DSCAM: variants seen among roughly 807,000 people sequenced by gnomAD.
DSCAM encodes cell adhesion molecule DSCAM.
DSCAM carries 47 observed loss-of-function variants against 217.7 expected under a neutral mutation model. The ratio of observed to expected loss-of-function variants is 0.22; its 90% CI spans 0.17 to 0.28. The LOEUF is 0.28. Among genes scored for constraint, DSCAM ranks in the 10% least tolerant of loss-of-function variants. The pLI is 1.00. For missense variants in DSCAM, 2,080 were observed against 2,618.3 expected, an observed-to-expected ratio of 0.79 and a Z score of 4.49; for synonymous variants, 1,056 against 1,015.3, an observed-to-expected ratio of 1.04 and a Z score of -0.76.
At position 40,816,763 on chromosome 21, in the gene DSCAM, G is replaced by T. The variant is rs546861313; in HGVS notation, c.43+29856C>A. 1.1e-3 allele frequency among the ~76,000 whole-genome samples: 168 copies of T among 152,148 alleles called. 1 individual carries two copies. Among genetic ancestry groups the T allele is most frequent in the Non-Finnish European group, 2.1e-3 (145 of 67,992 alleles). On this transcript the variant is annotated intron_variant, in intron 1 of 32. Transcript: ENST00000400454. Reference sequence around the variant, plus strand: ...AACGCTGCTGGGTTGTCTTCAAAATGAATCTATTTTCTGTTGAGTCTTGAG... The same window carrying T: ...AACGCTGCTGGGTTGTCTTCAAAATTAATCTATTTTCTGTTGAGTCTTGAG...
chr21:40,611,097 C>A (rs1274771630), intron 3 of DSCAM, among the ~76,000 whole-genome samples: 1 of 140,160 alleles, frequency 7.1e-6, no homozygotes, highest in African/African-American at 2.7e-5. Flanking sequence ...CTCACCGTGT[C>A]GTCCAGGCTG....
chr21:40,347,505 T>C (rs1277744014), intron 6 of DSCAM, among the ~76,000 whole-genome samples, 165 bp downstream of exon 6: 1 of 152,182 alleles, frequency 6.6e-6, no homozygotes, highest in African/African-American at 2.4e-5. Context: ...GAACTTTCTC[T>C]CCCATTTGCC....
chr21:40,758,157 G>T (rs1170181297), intron 1 of DSCAM, among the ~76,000 whole-genome samples: 1 of 152,092 alleles, frequency 6.6e-6, no homozygotes, highest in African/African-American at 2.4e-5. Context: ...GAGAGGCGAA[G>T]CAGACTCCCA....
chr21:40,309,679 A>C (rs530043366), intron 9 of DSCAM, among the ~76,000 whole-genome samples: 7 of 152,092 alleles, frequency 4.6e-5, no homozygotes, highest in Admixed American at 6.6e-5. Context: ...GATTCCACTA[A>C]AGGTTCTTCT....
chr21:40,277,703 G>C (rs1237196849), intron 10 of DSCAM, among the ~76,000 whole-genome samples: 1 of 144,628 alleles, frequency 6.9e-6, no homozygotes, highest in Non-Finnish European at 1.5e-5. Flanking sequence ...GCACGATTTC[G>C]GCTCACTGCA....
At chr21:40,021,269 T>G (rs979801437) in intron 32 of DSCAM, among the ~76,000 whole-genome samples, 1 of 149,292 alleles carries the variant, frequency 6.7e-6, no homozygotes, top group African/African-American at 2.5e-5. Flanking sequence ...AGATAAAAAT[T>G]AGAGACAGAG....
chr21:40,809,872 G>A (rs1170330488), intron 1 of DSCAM, among the ~76,000 whole-genome samples: 2 of 152,192 alleles, frequency 1.3e-5, no homozygotes, highest in African/African-American at 4.8e-5. Context: ...ACTAGGAAAA[G>A]GGCGATGACG....
At chr21:40,422,360 T>G (rs2123821997) in intron 3 of DSCAM, among the ~76,000 whole-genome samples, 1 of 152,336 alleles carries the variant, frequency 6.6e-6, no homozygotes, top group Middle Eastern at 3.4e-3. Context: ...CCGAGCACAG[T>G]GGCTCACTCC....
At position 40,338,226 on chromosome 21, in the gene DSCAM, A is replaced by G. The variant is rs1053608440; in HGVS notation, c.1658T>C (p.Phe553Ser). Residue 553 changes from phenylalanine to serine, a missense_variant, in exon 8 of 33, where the codon TTT (phenylalanine) becomes TCT (serine). Transcript: ENST00000400454. The part of the protein sequence containing the change: ...LLPFNHRQVA[F>S]ENNGTLKLSD... ...AAGTTTAAGAGTTCCATTGTTCTCA[A>G]ATGCCACTTGGCGGTGGTTGAAAGG... is the stretch of plus-strand genomic sequence containing the variant. The G allele has an allele frequency of 6.2e-7, 1 of 1,614,132 alleles. No homozygotes were observed. The highest frequency in any genetic ancestry group is 8.5e-7 in the Non-Finnish European group (1 of 1,180,048).
intron 3 of DSCAM, among the ~76,000 whole-genome samples, chr21:40,425,733 CT>C (rs1184523995): frequency 3.3e-5 from 5 of 150,056 alleles, no homozygotes; most frequent in Non-Finnish European, 7.4e-5. Flanking sequence ...AAAAATACAG[CT>C]TTTTTTCTGT....
At chr21:40,227,404 A>C (rs2091343113) in intron 11 of DSCAM, among the ~76,000 whole-genome samples, 1 of 152,226 alleles carries the variant, frequency 6.6e-6, no homozygotes, top group African/African-American at 2.4e-5. Context: ...TCTTTGGAAA[A>C]GGGTCATTTT....
chr21:40,450,851 C>T (rs148602236), intron 3 of DSCAM, among the ~76,000 whole-genome samples: 204 of 152,258 alleles, frequency 1.3e-3, no homozygotes, highest in African/African-American at 4.3e-3. Context: ...TTTCCAGTAA[C>T]GATTGAACAG....
intron 9 of DSCAM, among the ~76,000 whole-genome samples, chr21:40,302,568 G>T (rs16999652): frequency 2.6e-5 from 4 of 152,126 alleles, no homozygotes; most frequent in African/African-American, 9.7e-5. Context: ...GAGATGAATA[G>T]GTTCAACTAC....
chr21:40,680,303 T>C (rs1001422347), intron 3 of DSCAM, among the ~76,000 whole-genome samples: 1 of 152,162 alleles, frequency 6.6e-6, no homozygotes, highest in African/African-American at 2.4e-5. Context: ...CCAGAATTAC[T>C]TAGCTATGTT....
At chr21:40,833,069 G>A (rs2092025051) in intron 1 of DSCAM, among the ~76,000 whole-genome samples, 1 of 152,090 alleles carries the variant, frequency 6.6e-6, no homozygotes. Context: ...CCCTCCCGGG[G>A]CCATCACATA....
intron 3 of DSCAM, among the ~76,000 whole-genome samples, chr21:40,397,868 C>A (rs1293713325): frequency 6.6e-6 from 1 of 152,114 alleles, no homozygotes; most frequent in African/African-American, 2.4e-5. Flanking sequence ...ACTACTACCA[C>A]TACCAGTACT....
At chr21:40,571,936 C>T (rs973707094) in intron 3 of DSCAM, among the ~76,000 whole-genome samples, 3 of 152,166 alleles carry the variant, frequency 2.0e-5, no homozygotes, top group African/African-American at 7.2e-5. Context: ...CCAAAGAAAT[C>T]CTCATTGGAG....
intron 1 of DSCAM, among the ~76,000 whole-genome samples, chr21:40,724,333 C>T (rs17000254): frequency 0.047 from 7,114 of 152,142 alleles, 227 homozygotes; most frequent in African/African-American, 0.089. Context: ...AGCATAAAAA[C>T]TGGGGAACAA....
intron 3 of DSCAM, among the ~76,000 whole-genome samples, chr21:40,567,447 T>G (rs1292740289): frequency 6.6e-6 from 1 of 152,256 alleles, no homozygotes; most frequent in Non-Finnish European, 1.5e-5. Context: ...AACAATTTGC[T>G]CTAGAAGACA....
Sources: gnomAD v4.1 joint callset for allele counts (sites outside exome capture counted in the v4.1 genomes callset) on GRCh38, gnomAD v4.1.1 for gene constraint, MANE v1.5 for transcripts, NCBI Gene and HGNC (gene_info 2026-07-23, HGNC 2026-07-21) for gene names.